Variants in PGK1 observed in about 807,000 individuals in gnomAD.
PGK1 encodes the protein phosphoglycerate kinase 1, also known as PRP 2.
In PGK1, 3 loss-of-function variants were observed where a neutral mutation model predicts 26.9. The observed-to-expected ratio is 0.11, with a 90% CI of 0.05 to 0.29. The LOEUF (loss-of-function observed/expected upper bound fraction) is 0.29, where lower values mean the gene tolerates loss of function less well. PGK1 is among the 10% of genes least tolerant of loss of function. The pLI, the probability that PGK1 is intolerant of heterozygous loss-of-function variation, is 1.00. For missense variants in PGK1, 270 were observed against 314.7 expected, an observed-to-expected ratio of 0.86 and a Z score of 1.07; for synonymous variants, 125 against 115.3, an observed-to-expected ratio of 1.08 and a Z score of -0.54.
chrX:78,106,201 A>C (rs1603396199), intron 1 of PGK1, among the ~76,000 whole-genome samples: 1 of 111,784 alleles, frequency 8.9e-6, no homozygotes, highest in African/African-American at 3.3e-5. Context: ...ATGATTGGCT[A>C]GTCCTGTTTT....
At chrX:78,123,395 G>C (rs782770489) in intron 8 of PGK1, 21 bp downstream of exon 8, 15 of 1,150,832 alleles carry the variant, frequency 1.3e-5, no homozygotes, top group Non-Finnish European at 1.7e-5. Flanking sequence ...TGAGTGGGTT[G>C]GTAGTGTGAG....
At chrX:78,123,615 T>G (rs1557248303) in intron 8 of PGK1, among the ~76,000 whole-genome samples, 3 of 107,442 alleles carry the variant, frequency 2.8e-5, no homozygotes, top group East Asian at 2.9e-4. Context: ...TTGTTGTTTT[T>G]TTTTTTTTTT....
At chrX:78,113,965 G>A (rs1214041710) in intron 3 of PGK1, 51 bp from the exon 4 acceptor site, 2 of 1,206,480 alleles carry the variant, frequency 1.7e-6, no homozygotes, top group Admixed American at 2.2e-5. Flanking sequence ...CGTTGTTACT[G>A]GTTTTTAACT....
chrX:78,122,831 G>T lies in PGK1; in HGVS notation c.642-4G>T, dbSNP rs370410785. Reference sequence around the variant, plus strand: ...TAAGTGATGATTCTTGCTTTCTCTTGTAGAGCTAAAGTTGCAGACAAGATC... The same window carrying T: ...TAAGTGATGATTCTTGCTTTCTCTTTTAGAGCTAAAGTTGCAGACAAGATC... On this transcript the variant is annotated splice_region_variant and splice_polypyrimidine_tract_variant and intron_variant, in intron 6 of 10. Coordinates refer to ENST00000373316, the MANE Select transcript of PGK1 (RefSeq NM_000291.4). The T allele has an allele frequency of 1.8e-5, 20 of 1,095,542 alleles. No individual in the cohort carries two copies. The highest frequency in any genetic ancestry group is 9.1e-5 in the African/African-American group (5 of 54,826). 90.3% of individuals were successfully genotyped at this position (1,095,542 alleles called of 1,213,427 possible). A position where few individuals can be genotyped will look rare whatever the true frequency, so the allele number is the denominator to read the frequency against.
Position 78,118,102 on chromosome X carries a change from G to C in PGK1, c.573G>C (p.Lys191Asn). 8.3e-7 allele frequency: 1 copy of C among 1,206,278 alleles called. No homozygotes were observed. The highest frequency in any genetic ancestry group is 1.7e-5 in the African/African-American group (1 of 57,645). Residue 191 changes from lysine to asparagine, a missense_variant, in exon 6 of 11, where the codon AAG becomes AAC. Around this residue, in one of 3 missense-constraint regions of PGK1, gnomAD observed 150 missense variants for 154.6 expected, o/e 0.97. Coordinates refer to ENST00000373316, the MANE Select transcript of PGK1 (RefSeq NM_000291.4). ...LPQKAGGFLM[K>N]KELNYFAKAL... ...AGAAGGCTGGTGGGTTTTTGATGAAGAAGGAGCTGAACTACTTTGCAAAGG... is the reference window on the plus strand; with the variant it reads ...AGAAGGCTGGTGGGTTTTTGATGAACAAGGAGCTGAACTACTTTGCAAAGG...
At chrX:78,118,019 A>T (rs782123483) in intron 5 of PGK1, 32 bp from the exon 6 acceptor site, 5 of 1,185,099 alleles carry the variant, frequency 4.2e-6, no homozygotes, top group Non-Finnish European at 5.7e-6. Context: ...ATAGGGATTG[A>T]CTAGAATCTG....
In PGK1 at chrX:78,117,188, TA is replaced by T. The variant is rs782555469; in HGVS notation, c.418-118del. 25 of 528,233 alleles carry T rather than the reference TA, an allele frequency of 4.7e-5. No homozygotes were observed. The East Asian group carries it at 9.0e-4, about 19-fold the overall frequency. The allele number at this position is 528,233 out of a possible 1,213,427, so 43.5% of individuals were successfully genotyped here. On this transcript the variant is annotated intron_variant, in intron 4 of 10. Coordinates refer to ENST00000373316, the MANE Select transcript of PGK1 (RefSeq NM_000291.4). ...AAAGAACACATCCTACTGCTGGTTGTAAAAAATCGCTGTCCCACCTACTCAG... is the reference window on the plus strand; with the variant it reads ...AAAGAACACATCCTACTGCTGGTTGTAAAAATCGCTGTCCCACCTACTCAG...
intron 2 of PGK1, 67 bp downstream of exon 2, chrX:78,109,984 T>C (rs2078292141): frequency 2.7e-6 from 2 of 732,328 alleles, no homozygotes; most frequent in Admixed American, 4.4e-5. Flanking sequence ...GAAATGTTTT[T>C]CCTTTCATAT....
At chrX:78,117,227 T>A in intron 4 of PGK1, 85 bp from the exon 5 acceptor site, 1 of 652,972 alleles carries the variant, frequency 1.5e-6, no homozygotes. Flanking sequence ...TCTTTAGAGA[T>A]GTTCAAGAGG....
At chrX:78,114,909 A>G (rs782798376) in intron 4 of PGK1, among the ~76,000 whole-genome samples, 7 of 112,355 alleles carry the variant, frequency 6.2e-5, no homozygotes, top group Non-Finnish European at 1.1e-4. Context: ...CATTGACTAG[A>G]AAGGAAGCTG....
chrX:78,125,404 G>A lies in PGK1; in HGVS notation c.1192G>A (p.Ala398Thr), dbSNP rs199644680. 2.1e-4 allele frequency: 256 copies of A among 1,200,881 alleles called. No individual in the cohort carries two copies. The highest frequency in any genetic ancestry group is 2.8e-4 in the Non-Finnish European group (248 of 887,128). ...KVSHVSTGGG[A>T]SLELLEGKVL... ...CAGCCATGTGAGCACTGGGGGTGGTGCCAGTTTGGAGCTCCTGGAAGGTGA... is the reference window on the plus strand; with the variant it reads ...CAGCCATGTGAGCACTGGGGGTGGTACCAGTTTGGAGCTCCTGGAAGGTGA... The change falls in exon 10 of 11, where the codon GCC (alanine) becomes ACC (threonine). Residue 398 changes from alanine (A) to threonine (T), a missense_variant. Transcript: ENST00000373316.
At chrX:78,107,125 A>G (rs1423080565) in intron 1 of PGK1, among the ~76,000 whole-genome samples, 16 of 111,458 alleles carry the variant, frequency 1.4e-4, no homozygotes, top group African/African-American at 4.6e-4. Flanking sequence ...CTAAATCAGT[A>G]TATTTTTTAA....
rs1031934117 is a variant in PGK1, at chrX:78,125,723, G to T, written c.1214-67G>T. Reference sequence around the variant, plus strand: ...TGGCATGTTATTGGGAAGATAAAGTGGGGGAAATCTGGCTTACTGGGCCCT... The same window carrying T: ...TGGCATGTTATTGGGAAGATAAAGTTGGGGAAATCTGGCTTACTGGGCCCT... On this transcript the variant is annotated intron_variant, in intron 10 of 10. Coordinates refer to ENST00000373316, the MANE Select transcript of PGK1 (RefSeq NM_000291.4). 3.5e-5 allele frequency: 32 copies of T among 920,745 alleles called. No individual in the cohort carries two copies. The Admixed American group carries it at 6.8e-4, about 20-fold the overall frequency. The allele number at this position is 920,745 out of a possible 1,213,427, so 75.9% of individuals were successfully genotyped here.
intron 2 of PGK1, among the ~76,000 whole-genome samples, chrX:78,112,657 T>C (rs2078306884): frequency 1.8e-5 from 2 of 112,193 alleles, no homozygotes; most frequent in African/African-American, 6.5e-5. Flanking sequence ...GAGAATTTTA[T>C]GTATTTTCCA....
intron 8 of PGK1, among the ~76,000 whole-genome samples, chrX:78,123,598 T>TTTG (rs781788577): frequency 4.3e-4 from 46 of 106,871 alleles, no homozygotes; most frequent in Admixed American, 6.0e-4. Flanking sequence ...GTTGCAAAAC[T>TTTG]TTGTTGTTGT....
intron 2 of PGK1, among the ~76,000 whole-genome samples, chrX:78,110,391 C>G (rs1478002137): frequency 9.1e-6 from 1 of 109,814 alleles, no homozygotes; most frequent in African/African-American, 3.3e-5. Context: ...AACTCCTGGA[C>G]TCAAGTGATC....
chrX:78,118,868 T>G (rs1367678198), intron 6 of PGK1, among the ~76,000 whole-genome samples: 1 of 111,051 alleles, frequency 9.0e-6, no homozygotes, highest in Non-Finnish European at 1.9e-5. Flanking sequence ...CTCCTTTCAG[T>G]CTCCTGCTGC....
At chrX:78,104,496 C>A in intron 1 of PGK1, 91 bp downstream of exon 1, 1 of 730,396 alleles carries the variant, frequency 1.4e-6, no homozygotes, top group Non-Finnish European at 2.1e-6. Flanking sequence ...GCTCTAAGTT[C>A]TTTTAGCTTT....
chrX:78,109,814 T>A lies in PGK1; in HGVS notation c.66-53T>A, dbSNP rs1380795005. On this transcript the variant is annotated intron_variant, in intron 1 of 10. Transcript: ENST00000373316. ...ACTGGTTCATTAAAAATGCATCTCC[T>A]AGTCTTTGATGGAACAGTAAGTTGA... 4 of 822,044 alleles carry A rather than the reference T, an allele frequency of 4.9e-6. No homozygotes were observed. In the East Asian group the frequency reaches 1.3e-4, roughly 26 times the overall value. 67.7% of individuals were successfully genotyped at this position (822,044 alleles called of 1,213,427 possible). A position where few individuals can be genotyped will look rare whatever the true frequency, so the allele number is the denominator to read the frequency against.
Sources: allele counts gnomAD v4.1 joint callset (sites outside exome capture counted in the v4.1 genomes callset), GRCh38; gene constraint gnomAD v4.1.1; regional missense constraint gnomAD v4.1.1; transcripts MANE v1.5; gene names NCBI Gene and HGNC (gene_info 2026-07-23, HGNC 2026-07-21).